Variants in SEMA3E observed in about 807,000 individuals in gnomAD.
SEMA3E encodes the protein semaphorin 3E.
Under a neutral mutation model 93.6 loss-of-function variants are expected in SEMA3E, and 49 were observed. The observed-to-expected ratio is 0.52, with a 90% CI of 0.42 to 0.66. SEMA3E has a LOEUF of 0.66. SEMA3E is among the 30% of genes least tolerant of loss of function. The probability of loss-of-function intolerance (pLI) is 0.00; values close to 1 mark genes in which losing one functional copy is unlikely to be tolerated. For synonymous variants in SEMA3E, 363 were observed against 330.7 expected (o/e 1.10, Z -1.06); for missense variants, 906 against 964.8 (o/e 0.94, Z 0.81).
At chr7:83,570,022 C>A (rs1027096086) in intron 1 of SEMA3E, among the ~76,000 whole-genome samples, 1 of 152,126 alleles carries the variant, frequency 6.6e-6, no homozygotes, top group Non-Finnish European at 1.5e-5. Flanking sequence ...AGCAAGCATA[C>A]TCTTGGACAA....
chr7:83,489,180 T>G (rs1790327318), intron 2 of SEMA3E, among the ~76,000 whole-genome samples: 1 of 152,092 alleles, frequency 6.6e-6, no homozygotes, highest in Admixed American at 6.6e-5. Flanking sequence ...CAGAATATTT[T>G]AACTGTGGTA....
At chr7:83,383,076 G>A (rs1268530600) in intron 16 of SEMA3E, among the ~76,000 whole-genome samples, 1 of 151,832 alleles carries the variant, frequency 6.6e-6, no homozygotes, top group African/African-American at 2.4e-5. Flanking sequence ...TCTGTGGTCT[G>A]ATAAATTAAT....
chr7:83,421,145 G>A (rs1355614431), intron 4 of SEMA3E, among the ~76,000 whole-genome samples: 1 of 141,400 alleles, frequency 7.1e-6, no homozygotes, highest in Non-Finnish European at 1.6e-5. Flanking sequence ...GTTTGGAAAA[G>A]AATAACAAAA....
intron 1 of SEMA3E, among the ~76,000 whole-genome samples, chr7:83,524,159 T>G (rs185417708): frequency 3.3e-5 from 5 of 152,118 alleles, no homozygotes; most frequent in Middle Eastern, 3.2e-3. Context: ...GCTTGCCTCA[T>G]AGACCTTGTA....
chr7:83,390,296 T>C (rs183880119), intron 14 of SEMA3E, among the ~76,000 whole-genome samples: 1 of 147,528 alleles, frequency 6.8e-6, no homozygotes, highest in African/African-American at 2.6e-5. Flanking sequence ...ATTTACACTA[T>C]ATATATATGG....
chr7:83,557,214 A>T (rs1791915674), intron 1 of SEMA3E, among the ~76,000 whole-genome samples: 1 of 152,052 alleles, frequency 6.6e-6, no homozygotes, highest in African/African-American at 2.4e-5. Context: ...TGTAACAAGT[A>T]TGTTTATAAT....
chr7:83,496,657 AG>A (rs1451392843), intron 1 of SEMA3E, among the ~76,000 whole-genome samples: 3 of 152,070 alleles, frequency 2.0e-5, no homozygotes, highest in Non-Finnish European at 4.4e-5. Context: ...TATAAAGGCA[AG>A]CAAGGCTTTC....
intron 1 of SEMA3E, among the ~76,000 whole-genome samples, chr7:83,618,011 C>G (rs1793455890): frequency 6.6e-6 from 1 of 151,864 alleles, no homozygotes; most frequent in African/African-American, 2.4e-5. Flanking sequence ...AAGACATAGC[C>G]CTTTGTGCAT....
chr7:83,617,612 T>C (rs1254145302), intron 1 of SEMA3E, among the ~76,000 whole-genome samples: 2 of 146,868 alleles, frequency 1.4e-5, no homozygotes, highest in African/African-American at 4.9e-5. Context: ...ATAAGTAATA[T>C]ATAATTTTAT....
chr7:83,444,028 CTT>C (rs1192699929), intron 4 of SEMA3E, among the ~76,000 whole-genome samples: 21 of 151,980 alleles, frequency 1.4e-4, no homozygotes, highest in Non-Finnish European at 2.8e-4. Context: ...ATGACAGTCT[CTT>C]GAGATACTAA....
At chr7:83,574,588 C>T (rs1347730849) in intron 1 of SEMA3E, among the ~76,000 whole-genome samples, 1 of 152,084 alleles carries the variant, frequency 6.6e-6, no homozygotes, top group East Asian at 1.9e-4. Flanking sequence ...ATGTGATTTT[C>T]TTTGCTCAAT....
At chr7:83,377,255 C>T (rs1787664428) in intron 16 of SEMA3E, among the ~76,000 whole-genome samples, 1 of 151,954 alleles carries the variant, frequency 6.6e-6, no homozygotes, top group Admixed American at 6.6e-5. Context: ...AACTTTTGCA[C>T]AAAAAGACTT....
intron 1 of SEMA3E, 51 bp downstream of exon 1, chr7:83,648,377 C>CTTTTT: frequency 7.7e-7 from 1 of 1,297,336 alleles, no homozygotes; most frequent in South Asian, 1.3e-5. Flanking sequence ...TTTCTTTTTT[C>CTTTTT]TTTTTCTTTT....
At chr7:83,509,006 T>A (rs1790759295) in intron 1 of SEMA3E, among the ~76,000 whole-genome samples, 1 of 152,166 alleles carries the variant, frequency 6.6e-6, no homozygotes, top group South Asian at 2.1e-4. Flanking sequence ...CTGGTGTAAT[T>A]TGAAGGGGGA....
intron 5 of SEMA3E, among the ~76,000 whole-genome samples, chr7:83,416,923 A>G (rs1788553312): frequency 6.6e-6 from 1 of 150,770 alleles, no homozygotes; most frequent in South Asian, 2.1e-4. Context: ...ACCAAGTCTA[A>G]CCTGACTTAG....
chr7:83,610,063 G>T (rs1207681085), intron 1 of SEMA3E, among the ~76,000 whole-genome samples: 2 of 152,068 alleles, frequency 1.3e-5, no homozygotes, highest in East Asian at 3.9e-4. Context: ...CAAAGAAATT[G>T]TGAAAACAAT....
At chr7:83,424,008 T>A (rs186355501) in intron 4 of SEMA3E, among the ~76,000 whole-genome samples, 1,634 of 152,322 alleles carry the variant, frequency 0.011, 24 homozygotes, top group Non-Finnish European at 0.015. Flanking sequence ...TTAATTTTTT[T>A]AATAATGTAA....
At chr7:83,519,286 AC>A (rs1761199525) in intron 1 of SEMA3E, among the ~76,000 whole-genome samples, 2 of 152,098 alleles carry the variant, frequency 1.3e-5, no homozygotes, top group Admixed American at 1.3e-4. Context: ...CCATGTCCCT[AC>A]AAAGGACATG....
At chr7:83,444,868 G>A (rs925054037) in intron 4 of SEMA3E, among the ~76,000 whole-genome samples, 8 of 151,926 alleles carry the variant, frequency 5.3e-5, no homozygotes, top group African/African-American at 1.9e-4. Flanking sequence ...ATGGGATTTT[G>A]CCACGTTGGC....
Sources: gnomAD v4.1 joint callset for allele counts (sites outside exome capture counted in the v4.1 genomes callset) on GRCh38, gnomAD v4.1.1 for gene constraint, MANE v1.5 for transcripts, NCBI Gene and HGNC (gene_info 2026-07-23, HGNC 2026-07-21) for gene names.